The following RABGAP1L variants were observed in gnomAD, a reference collection of about 807,000 sequenced individuals.
The protein encoded by RABGAP1L is RAB GTPase activating protein 1 like.
Under a neutral mutation model 137.7 loss-of-function variants are expected in RABGAP1L, and 63 were observed. The ratio of observed to expected loss-of-function variants is 0.46; its 90% CI spans 0.37 to 0.56. The LOEUF (loss-of-function observed/expected upper bound fraction) is 0.56, where lower values mean the gene tolerates loss of function less well. Among genes scored for constraint, RABGAP1L ranks in the 20% least tolerant of loss-of-function variants. RABGAP1L has a pLI of 0.00. For synonymous variants in RABGAP1L, 431 were observed against 433.7 expected (o/e 0.99, Z 0.08); for missense variants, 1,095 against 1,244.0 (o/e 0.88, Z 1.80).
chr1:174,362,245 C>T (rs568897050), intron 11 of RABGAP1L, among the ~76,000 whole-genome samples: 3 of 152,080 alleles, frequency 2.0e-5, no homozygotes, highest in African/African-American at 4.8e-5. Flanking sequence ...AGTGAACATC[C>T]GTGTGCATGT....
intron 19 of RABGAP1L, among the ~76,000 whole-genome samples, chr1:174,855,294 G>A (rs16847576): frequency 0.016 from 2,371 of 152,148 alleles, 43 homozygotes; most frequent in African/African-American, 0.055. Context: ...CACTCTGATG[G>A]CCCCATTCAA....
intron 12 of RABGAP1L, among the ~76,000 whole-genome samples, chr1:174,379,482 C>G (rs1685913555): frequency 7.3e-6 from 1 of 136,598 alleles, no homozygotes; most frequent in Non-Finnish European, 1.5e-5. Flanking sequence ...GTTTGTAGTT[C>G]TCCTTGAAGA....
rs1037792392 is a variant in RABGAP1L, at chr1:174,194,778, G to C, written c.-33-24347G>C. On this transcript the variant is annotated intron_variant, in intron 1 of 25. Coordinates refer to ENST00000681986, the MANE Select transcript of RABGAP1L (RefSeq NM_001366446.1). Reference sequence around the variant, plus strand: ...ACAGACAACAGATAGGTGGTTGCCAGGAGTGGGGGAAGGAGAGAATGGGTA... The same window carrying C: ...ACAGACAACAGATAGGTGGTTGCCACGAGTGGGGGAAGGAGAGAATGGGTA... Among the ~76,000 whole-genome samples, 78 of 152,196 alleles carry C rather than the reference G, an allele frequency of 5.1e-4. 2 individuals are homozygous for C. The highest frequency in any genetic ancestry group is 1.5e-5 in the Non-Finnish European group (1 of 68,024).
Position 174,638,960 on chromosome 1 carries a change from G to A in RABGAP1L, c.1824+1472G>A, listed in dbSNP as rs558799304. Among the ~76,000 whole-genome samples, 19 of 143,964 alleles carry A rather than the reference G, an allele frequency of 1.3e-4. No homozygotes were observed. In the East Asian group the frequency reaches 3.2e-3, roughly 24 times the overall value. 94.4% of individuals were successfully genotyped at this position (143,964 alleles called of 152,430 possible). On this transcript the variant is annotated intron_variant, in intron 14 of 25. Transcript: ENST00000681986. ...TAGATGACGAGTTAGTGGGTGCAGC[G>A]CACCAGCATGGCACATGTATACATA... is the stretch of plus-strand genomic sequence containing the variant.
At chr1:174,935,113 A>T (rs906973216) in intron 19 of RABGAP1L, 3 of 152,190 alleles carry the variant, frequency 2.0e-5, no homozygotes, top group African/African-American at 7.2e-5. Context: ...GTCAGCAAAA[A>T]GGGATAATTA....
chr1:174,548,398 G>A (rs1558331217), intron 13 of RABGAP1L: 1 of 985,514 alleles, frequency 1.0e-6, no homozygotes, highest in Non-Finnish European at 1.2e-6. Context: ...AAAACTATAA[G>A]TGGAAATAAT....
At chr1:174,905,899 G>C (rs1573762579) in intron 19 of RABGAP1L, among the ~76,000 whole-genome samples, 1 of 151,642 alleles carries the variant, frequency 6.6e-6, no homozygotes, top group African/African-American at 2.4e-5. Context: ...GGAGAATAAA[G>C]AAAAAGAATG....
chr1:174,346,293 T>C (rs562659841), intron 11 of RABGAP1L, among the ~76,000 whole-genome samples: 1 of 152,338 alleles, frequency 6.6e-6, no homozygotes, highest in African/African-American at 2.4e-5. Context: ...CCTCCTTTTT[T>C]TGAAATAGTT....
chr1:174,926,958 A>G (rs1662939047), intron 19 of RABGAP1L, among the ~76,000 whole-genome samples: 1 of 151,970 alleles, frequency 6.6e-6, no homozygotes, highest in South Asian at 2.1e-4. Flanking sequence ...CTGTAATTCC[A>G]GTTACTCCAG....
intron 13 of RABGAP1L, among the ~76,000 whole-genome samples, chr1:174,453,864 A>G (rs1226611963): frequency 6.6e-6 from 1 of 152,066 alleles, no homozygotes. Context: ...TAAAATATTA[A>G]CATGATGTCA....
intron 19 of RABGAP1L, among the ~76,000 whole-genome samples, chr1:174,950,458 T>C (rs904167299): frequency 6.6e-6 from 1 of 152,176 alleles, no homozygotes; most frequent in Non-Finnish European, 1.5e-5. Flanking sequence ...GTGAAGCCTA[T>C]AGGGCGTGTT....
intron 4 of RABGAP1L, among the ~76,000 whole-genome samples, chr1:174,240,626 G>T (rs77730561): frequency 6.0e-4 from 91 of 152,158 alleles, no homozygotes; most frequent in Non-Finnish European, 1.0e-3. Flanking sequence ...TTTGTATTCC[G>T]TTGTTGAATT....
At chr1:174,820,351 C>G (rs765913131) in intron 19 of RABGAP1L, among the ~76,000 whole-genome samples, 14 of 152,076 alleles carry the variant, frequency 9.2e-5, no homozygotes, top group Non-Finnish European at 1.6e-4. Context: ...TTGCCCATTT[C>G]CATGGTATGA....
At chr1:174,364,072 C>T (rs1293425415) in intron 11 of RABGAP1L, among the ~76,000 whole-genome samples, 1 of 151,652 alleles carries the variant, frequency 6.6e-6, no homozygotes, top group East Asian at 1.9e-4. Context: ...TGGAAGTATT[C>T]CCTCTTCCTC....
At chr1:174,843,314 TGTG>T (rs1464824007) in intron 19 of RABGAP1L, among the ~76,000 whole-genome samples, 1 of 150,194 alleles carries the variant, frequency 6.7e-6, no homozygotes, top group African/African-American at 2.5e-5. Flanking sequence ...GCCATGCTGG[TGTG>T]CTGCACCCAC....
Position 174,175,623 on chromosome 1 carries a change from C to CTT in RABGAP1L, c.-34+15985_-34+15986dup, listed in dbSNP as rs770897839. ...AGGCACGTGCCACCACGCCCGGCTA[C>CTT]TTTTTTTTTTTTTTTTTTTTGAGAC... is the stretch of plus-strand genomic sequence containing the variant. On this transcript the variant is annotated intron_variant, in intron 1 of 25. Transcript: ENST00000681986. Among the ~76,000 whole-genome samples, 44 of 122,332 alleles carry CTT rather than the reference C, an allele frequency of 3.6e-4. 2 individuals carry two copies. Among genetic ancestry groups the CTT allele is most frequent in the East Asian group, 4.9e-4 (2 of 4,086 alleles). 80.3% of individuals were successfully genotyped at this position (122,332 alleles called of 152,430 possible).
At chr1:174,747,469 A>C (rs1043706896) in intron 17 of RABGAP1L, among the ~76,000 whole-genome samples, 1 of 151,766 alleles carries the variant, frequency 6.6e-6, no homozygotes, top group Non-Finnish European at 1.5e-5. Flanking sequence ...CATCAACTCA[A>C]ATGTCTTAAA....
At chr1:174,475,331 A>G (rs1399890817) in intron 13 of RABGAP1L, among the ~76,000 whole-genome samples, 2 of 152,132 alleles carry the variant, frequency 1.3e-5, no homozygotes, top group Non-Finnish European at 2.9e-5. Context: ...CATACGTTGA[A>G]TGATTGGTTG....
intron 11 of RABGAP1L, among the ~76,000 whole-genome samples, chr1:174,352,747 T>C (rs1336382590): frequency 6.6e-6 from 1 of 152,186 alleles, no homozygotes. Context: ...CAATGGGAAT[T>C]GAGTGTTGTG....
Sources: gnomAD v4.1 joint callset for allele counts (sites outside exome capture counted in the v4.1 genomes callset) on GRCh38, gnomAD v4.1.1 for gene constraint, MANE v1.5 for transcripts, NCBI Gene and HGNC (gene_info 2026-07-23, HGNC 2026-07-21) for gene names.